The following ENTPD5 variants were observed in gnomAD, a reference collection of about 807,000 sequenced individuals.
ENTPD5 encodes the protein ectonucleoside triphosphate diphosphohydrolase 5 (inactive).
A neutral mutation model predicts 60.2 loss-of-function variants in ENTPD5; 49 were observed. That is an observed-to-expected ratio of 0.81 (90% CI 0.65 to 1.03). The LOEUF (loss-of-function observed/expected upper bound fraction) is 1.03, where lower values mean the gene tolerates loss of function less well. Among genes scored for constraint, ENTPD5 ranks in the 50% least tolerant of loss-of-function variants. The probability of loss-of-function intolerance (pLI) is 0.00; values close to 1 mark genes in which losing one functional copy is unlikely to be tolerated. For synonymous variants in ENTPD5, 187 were observed against 185.4 expected, an observed-to-expected ratio of 1.01 and a Z score of -0.07; for missense variants, 480 against 507.6, an observed-to-expected ratio of 0.95 and a Z score of 0.52.
At chr14:74,008,420 GCT>G (rs1342701624) in intron 3 of ENTPD5, among the ~76,000 whole-genome samples, 1 of 144,884 alleles carries the variant, frequency 6.9e-6, no homozygotes, top group Non-Finnish European at 1.5e-5. Context: ...ACGGAGTCTC[GCT>G]CTGTCGCCCA....
At chr14:73,961,001 A>G, downstream of ENTPD5, 1 of 763,614 alleles carries the variant, frequency 1.3e-6, no homozygotes, top group Non-Finnish European at 2.2e-6. Flanking sequence ...ACCTCTGGGG[A>G]GTGATGAGAA....
intron 15 of ENTPD5, among the ~76,000 whole-genome samples, chr14:73,967,546 C>A (rs2057028426): frequency 6.6e-6 from 1 of 152,172 alleles, no homozygotes; most frequent in African/African-American, 2.4e-5. Context: ...GTGGCTCATG[C>A]CTGTACTCCT....
In ENTPD5 at chr14:73,965,978, C is replaced by G. The variant is rs2056957212; in HGVS notation, c.*950G>C. The G allele has an allele frequency of 6.6e-6, 1 of 152,158 alleles. No homozygotes were observed. 9.4% of individuals were successfully genotyped at this position (152,158 alleles called of 1,614,324 possible). On this transcript the variant is annotated 3_prime_UTR_variant, in exon 16 of 16. Coordinates refer to ENST00000334696, the MANE Select transcript of ENTPD5 (RefSeq NM_001249.5). ...GATCAGGGACCAGGACAGGAAGGTA[C>G]TGTTACAAACGGAGAGAATAAAAGG...
intron 3 of ENTPD5, among the ~76,000 whole-genome samples, chr14:74,005,008 C>T (rs933628155): frequency 1.3e-5 from 2 of 151,900 alleles, no homozygotes; most frequent in African/African-American, 4.8e-5. Flanking sequence ...TCAATAAACA[C>T]ATCTTACATA....
intron 3 of ENTPD5, among the ~76,000 whole-genome samples, chr14:73,998,412 TTTTGTC>T (rs139120717): frequency 0.023 from 3,483 of 152,212 alleles, 124 homozygotes; most frequent in African/African-American, 0.073. Flanking sequence ...AAACAGATCC[TTTTGTC>T]TTTGTCTTCA....
chr14:73,970,000 TG>T lies in ENTPD5; in HGVS notation c.1200+9del. 1 of 1,592,062 alleles carries T rather than the reference TG, an allele frequency of 6.3e-7. No homozygotes were observed. The highest frequency in any genetic ancestry group is 1.1e-5 in the South Asian group (1 of 90,608). ...GGGCTGTTATGAGACTCTGGTGTCCTGTCTCTTACCTGTAAGACTGTGCTGT... is the reference window on the plus strand; with the variant it reads ...GGGCTGTTATGAGACTCTGGTGTCCTTCTCTTACCTGTAAGACTGTGCTGT... On this transcript the variant is annotated intron_variant, in intron 15 of 15. Coordinates refer to ENST00000334696, the MANE Select transcript of ENTPD5 (RefSeq NM_001249.5).
downstream of ENTPD5, chr14:73,955,389 G>A: frequency 3.2e-6 from 4 of 1,241,628 alleles, no homozygotes; most frequent in South Asian, 3.6e-5. Context: ...CAGGATGGAG[G>A]GACAAGGGGG....
downstream of ENTPD5, among the ~76,000 whole-genome samples, chr14:73,957,449 T>C (rs2056492265): frequency 6.6e-6 from 1 of 152,212 alleles, no homozygotes; most frequent in Non-Finnish European, 1.5e-5. Context: ...GTAAATGATG[T>C]ATACAGGCTG....
intron 3 of ENTPD5, among the ~76,000 whole-genome samples, chr14:73,999,095 T>C (rs777723458): frequency 4.0e-5 from 6 of 151,848 alleles, no homozygotes; most frequent in South Asian, 2.1e-4. Flanking sequence ...GCCAGAAAAG[T>C]AAAGGTGAGG....
At chr14:73,980,287 CAG>C (rs995543268) in intron 6 of ENTPD5, among the ~76,000 whole-genome samples, 17 of 143,990 alleles carry the variant, frequency 1.2e-4, no homozygotes, top group African/African-American at 4.1e-4. Flanking sequence ...TTTTTTGAGA[CAG>C]AGTCTCGCTC....
intron 3 of ENTPD5, among the ~76,000 whole-genome samples, chr14:74,000,567 G>A (rs948333654): frequency 2.6e-5 from 4 of 151,922 alleles, no homozygotes; most frequent in Admixed American, 6.6e-5. Context: ...GATCACCTGA[G>A]GTCAAGAGTT....
At chr14:73,962,956 T>C (rs368045511), downstream of ENTPD5, 3 of 1,597,612 alleles carry the variant, frequency 1.9e-6, no homozygotes, top group African/African-American at 2.7e-5. Flanking sequence ...CATTCACTTT[T>C]ATTTTTTCTC....
chr14:73,962,499 C>A (rs1258705474), downstream of ENTPD5, among the ~76,000 whole-genome samples: 6 of 151,670 alleles, frequency 4.0e-5, no homozygotes, highest in Non-Finnish European at 7.4e-5. Context: ...TTTGAGGCTG[C>A]AGTGGGCTAT....
intron 2 of ENTPD5, among the ~76,000 whole-genome samples, chr14:74,012,369 A>C (rs1329894212): frequency 1.3e-5 from 2 of 152,170 alleles, no homozygotes; most frequent in Non-Finnish European, 2.9e-5. Flanking sequence ...CGCCTCCTAA[A>C]GTGCTGGGAT....
chr14:73,962,810 C>T, downstream of ENTPD5: 1 of 648,122 alleles, frequency 1.5e-6, no homozygotes, highest in South Asian at 1.9e-5. Context: ...GAGTGAGACC[C>T]TGTCTCTAAA....
chr14:73,987,279 C>G (rs1471632965), intron 4 of ENTPD5: 4 of 624,326 alleles, frequency 6.4e-6, no homozygotes, highest in Non-Finnish European at 8.5e-6. Flanking sequence ...TATTATGGAT[C>G]CCTGGAGTAT....
intron 6 of ENTPD5, 25 bp downstream of exon 6, chr14:73,982,993 T>G: frequency 6.2e-7 from 1 of 1,608,372 alleles, no homozygotes; most frequent in Non-Finnish European, 8.5e-7. Flanking sequence ...GGCAGAATGA[T>G]CCAAGATGCA....
At chr14:73,979,941 T>C (rs1001586894) in intron 6 of ENTPD5, among the ~76,000 whole-genome samples, 2 of 144,378 alleles carry the variant, frequency 1.4e-5, no homozygotes, top group African/African-American at 2.6e-5. Flanking sequence ...TTTTTTGCCA[T>C]GATTTTTTTT....
chr14:73,958,861 T>C (rs768973567), downstream of ENTPD5: 11 of 1,551,594 alleles, frequency 7.1e-6, no homozygotes, highest in Non-Finnish European at 9.6e-6. Flanking sequence ...GATGGAATTA[T>C]CCTGCCACAC....
Sources: gnomAD v4.1 joint callset for allele counts (sites outside exome capture counted in the v4.1 genomes callset) on GRCh38, gnomAD v4.1.1 for gene constraint, MANE v1.5 for transcripts, NCBI Gene and HGNC (gene_info 2026-07-23, HGNC 2026-07-21) for gene names.